TM9SF4: variants seen among roughly 807,000 people sequenced by gnomAD.
The protein encoded by TM9SF4 is dinucleotide oxidase disulfide thiol exchanger 3 superfamily member 4.
TM9SF4 carries 26 observed loss-of-function variants against 90.4 expected under a neutral mutation model. The ratio of observed to expected loss-of-function variants is 0.29; its 90% CI spans 0.21 to 0.40. The LOEUF (loss-of-function observed/expected upper bound fraction) is 0.40. Ranked by LOEUF, TM9SF4 falls within the 10% of genes least tolerant of loss-of-function variation. TM9SF4 has a pLI of 1.00. For missense variants in TM9SF4, 549 were observed against 834.8 expected, an observed-to-expected ratio of 0.66 and a Z score of 4.22; for synonymous variants, 293 against 315.4, an observed-to-expected ratio of 0.93 and a Z score of 0.75.
Position 32,165,626 on chromosome 20 carries a change from C to T in TM9SF4, c.*182C>T, listed in dbSNP as rs972427592. 32 of 673,200 alleles carry T rather than the reference C, an allele frequency of 4.8e-5. No individual in the cohort carries two copies. The highest frequency in any genetic ancestry group is 3.5e-4 in the African/African-American group (19 of 54,978). The allele number at this position is 673,200 out of a possible 1,614,324, so 41.7% of individuals were successfully genotyped here. A position where few individuals can be genotyped will look rare whatever the true frequency, so the allele number is the denominator to read the frequency against. ...GGCCTGTAGATAATCTTGCGTTTTT[C>T]GTCATCTTATTCCAGTTCTGTGGGG... On this transcript the variant is annotated 3_prime_UTR_variant, in exon 18 of 18. Transcript: ENST00000398022.
rs749776587 is a variant in TM9SF4 at position 32,141,902 on chromosome 20, T to C, written c.528+7T>C. The C allele has an allele frequency of 4.3e-6, 7 of 1,613,110 alleles. No homozygotes were observed. The highest frequency in any genetic ancestry group is 1.6e-4 in the Middle Eastern group (1 of 6,084). On this transcript the variant is annotated splice_region_variant and intron_variant, in intron 5 of 17. Coordinates refer to ENST00000398022, the MANE Select transcript of TM9SF4 (RefSeq NM_014742.4). ...CTTCACAGATGTCAACAAGGTAGAG[T>C]GTCTTTGGCGTGCTCACAGGACCGG...
chr20:32,142,578 T>G (rs1179806375), intron 5 of TM9SF4, among the ~76,000 whole-genome samples: 1 of 152,124 alleles, frequency 6.6e-6, no homozygotes, highest in African/African-American at 2.4e-5. Context: ...GGGAGCTCCT[T>G]TTACACTCAG....
intron 1 of TM9SF4, among the ~76,000 whole-genome samples, chr20:32,120,395 G>GTT (rs34639926): frequency 0.11 from 12,947 of 116,074 alleles, 1,584 homozygotes; most frequent in African/African-American, 0.31. Context: ...TAAGTGGTGC[G>GTT]TTTTTTTTTT....
chr20:32,113,654 T>A (rs372982268), intron 1 of TM9SF4, among the ~76,000 whole-genome samples: 1 of 152,224 alleles, frequency 6.6e-6, no homozygotes, highest in African/African-American at 2.4e-5. Context: ...TATTATAATC[T>A]TCTTTATGGA....
At chr20:32,143,963 C>A (rs1301199600) in intron 6 of TM9SF4, among the ~76,000 whole-genome samples, 1 of 151,768 alleles carries the variant, frequency 6.6e-6, no homozygotes, top group Non-Finnish European at 1.5e-5. Flanking sequence ...TTTTTCCCCC[C>A]AAGACAGAGT....
chr20:32,112,051 T>G (rs1177584000), intron 1 of TM9SF4, among the ~76,000 whole-genome samples: 1 of 152,218 alleles, frequency 6.6e-6, no homozygotes, highest in Non-Finnish European at 1.5e-5. Context: ...GGGAGCCAGC[T>G]TGTTCTCAGT....
intron 1 of TM9SF4, among the ~76,000 whole-genome samples, chr20:32,123,456 AT>A (rs1450653623): frequency 2.0e-5 from 3 of 147,838 alleles, no homozygotes; most frequent in African/African-American, 7.5e-5. Flanking sequence ...GATGCTGAGC[AT>A]CTTTTTGTGT....
chr20:32,136,157 C>T lies in TM9SF4; in HGVS notation c.213C>T (p.Tyr71=), dbSNP rs375684743. Residue 71 remains tyrosine, a synonymous_variant, in exon 3 of 18, where the codon TAC becomes TAT. Coordinates refer to ENST00000398022, the MANE Select transcript of TM9SF4 (RefSeq NM_014742.4). ...TCTGCCAGCCCAGCAAGATAACCTACAAGGCAGAGAATCTGGGTAAGTTCT... is the reference window on the plus strand; with the variant it reads ...TCTGCCAGCCCAGCAAGATAACCTATAAGGCAGAGAATCTGGGTAAGTTCT... The part of the protein sequence containing the change: ...LPFCQPSKIT[Y]KAENLGEVLR... 2.0e-4 allele frequency: 318 copies of T among 1,614,038 alleles called. No individual in the cohort carries two copies. Among genetic ancestry groups the T allele is most frequent in the Non-Finnish European group, 2.6e-4 (310 of 1,180,014 alleles).
At chr20:32,150,561 A>G in intron 10 of TM9SF4, 61 bp from the exon 11 acceptor site, 2 of 1,602,474 alleles carry the variant, frequency 1.2e-6, no homozygotes, top group South Asian at 1.1e-5. Flanking sequence ...GGCTGGGGCT[A>G]GAGGCCTGGT....
chr20:32,140,272 C>T (rs1283717623), intron 3 of TM9SF4, among the ~76,000 whole-genome samples: 1 of 146,366 alleles, frequency 6.8e-6, no homozygotes, highest in Admixed American at 7.0e-5. Context: ...CCTAACTGCT[C>T]AGTGCCTGTT....
intron 9 of TM9SF4, among the ~76,000 whole-genome samples, chr20:32,148,130 C>A (rs1013269794): frequency 1.3e-5 from 2 of 151,786 alleles, no homozygotes; most frequent in Non-Finnish European, 2.9e-5. Context: ...TAAATAAAAC[C>A]AAAAAATCTA....
intron 5 of TM9SF4, among the ~76,000 whole-genome samples, 172 bp downstream of exon 5, chr20:32,142,067 A>G (rs2046689772): frequency 6.6e-6 from 1 of 152,098 alleles, no homozygotes; most frequent in African/African-American, 2.4e-5. Context: ...GAGGTGCTAC[A>G]GGGAGGTGAA....
intron 6 of TM9SF4, among the ~76,000 whole-genome samples, 163 bp downstream of exon 6, chr20:32,143,268 G>T (rs775619997): frequency 1.3e-5 from 2 of 152,216 alleles, no homozygotes; most frequent in Non-Finnish European, 2.9e-5. Flanking sequence ...AGAAGACGGG[G>T]TGTGGGGGCA....
intron 13 of TM9SF4, among the ~76,000 whole-genome samples, chr20:32,156,355 A>G (rs556428931): frequency 1.6e-4 from 24 of 152,352 alleles, no homozygotes; most frequent in African/African-American, 5.8e-4. Context: ...GCTCTTTGGT[A>G]TAGGCCTTTC....
rs77871433 is a variant in TM9SF4 at position 32,165,705 on chromosome 20, A to G, written c.*261A>G. On this transcript the variant is annotated 3_prime_UTR_variant, in exon 18 of 18. Transcript: ENST00000398022. ...TTCAGTGCTAAGAAAGTTCCCTCCAACAGGAACTCTCTGACCTGTTTATTC... is the reference window on the plus strand; with the variant it reads ...TTCAGTGCTAAGAAAGTTCCCTCCAGCAGGAACTCTCTGACCTGTTTATTC... The G allele has an allele frequency of 2.7e-3, 1,258 of 462,572 alleles. 16 individuals are homozygous for G. Among genetic ancestry groups the G allele is most frequent in the African/African-American group, 0.022 (1,139 of 51,264 alleles). The allele number at this position is 462,572 out of a possible 1,614,324, so 28.7% of individuals were successfully genotyped here.
At chr20:32,137,775 T>C (rs1343606483) in intron 3 of TM9SF4, among the ~76,000 whole-genome samples, 1 of 152,250 alleles carries the variant, frequency 6.6e-6, no homozygotes, top group East Asian at 1.9e-4. Flanking sequence ...AGCTGGGCAC[T>C]GTTCTAAGCA....
At chr20:32,122,998 C>A (rs2046349759) in intron 1 of TM9SF4, among the ~76,000 whole-genome samples, 1 of 151,516 alleles carries the variant, frequency 6.6e-6, no homozygotes, top group African/African-American at 2.4e-5. Context: ...GAAACCCCGT[C>A]TCCACCAAAA....
Position 32,149,562 on chromosome 20 carries a change from A to G in TM9SF4, c.955-72A>G, listed in dbSNP as rs191783695. The G allele has an allele frequency of 4.4e-5, 70 of 1,608,054 alleles. No homozygotes were observed. In the East Asian group the frequency reaches 1.5e-3, roughly 33 times the overall value. On this transcript the variant is annotated intron_variant, in intron 9 of 17. Transcript: ENST00000398022. ...TTGGCACCTGAGGGTGTCAGCTGTC[A>G]CCTTGGGGGTGGTCCCTGCAAGAGC...
intron 1 of TM9SF4, among the ~76,000 whole-genome samples, chr20:32,130,584 C>T (rs530719965): frequency 9.9e-5 from 15 of 152,276 alleles, no homozygotes; most frequent in African/African-American, 2.2e-4. Context: ...GGTCCTCTGA[C>T]GCAGAGGAAA....
Sources: gnomAD v4.1 joint callset for allele counts (sites outside exome capture counted in the v4.1 genomes callset) on GRCh38, gnomAD v4.1.1 for gene constraint, MANE v1.5 for transcripts, NCBI Gene and HGNC (gene_info 2026-07-23, HGNC 2026-07-21) for gene names.